The following MARCHF11 variants were observed in gnomAD, a reference collection of about 807,000 sequenced individuals.
MARCHF11 encodes E3 ubiquitin-protein ligase MARCHF11.
Under a neutral mutation model 37.3 loss-of-function variants are expected in MARCHF11, and 29 were observed. The observed-to-expected ratio is 0.78, with a 90% confidence interval of 0.58 to 1.06. MARCHF11 has a LOEUF of 1.06. Among genes scored for constraint, MARCHF11 ranks in the 50% least tolerant of loss-of-function variants. The pLI is 0.00. For missense variants in MARCHF11, 482 were observed against 533.4 expected, an observed-to-expected ratio of 0.90 and a Z score of 0.95; for synonymous variants, 233 against 228.0, an observed-to-expected ratio of 1.02 and a Z score of -0.20.
intron 2 of MARCHF11, among the ~76,000 whole-genome samples, chr5:16,094,970 G>A (rs777113112): frequency 1.3e-5 from 2 of 152,136 alleles, no homozygotes; most frequent in Non-Finnish European, 2.9e-5. Context: ...GTAAACTGAG[G>A]CAGAGAGAAG....
intron 2 of MARCHF11, among the ~76,000 whole-genome samples, chr5:16,168,094 A>T (rs1738200219): frequency 6.6e-6 from 1 of 152,112 alleles, no homozygotes; most frequent in Non-Finnish European, 1.5e-5. Flanking sequence ...TTCTCCCCAC[A>T]GGCAATTCAA....
At chr5:16,087,406 C>T (rs1043466851) in intron 3 of MARCHF11, among the ~76,000 whole-genome samples, 5 of 152,146 alleles carry the variant, frequency 3.3e-5, no homozygotes, top group African/African-American at 4.8e-5. Context: ...GAAATGCAAC[C>T]CATTTATAGA....
At chr5:16,174,000 T>C (rs1294090220) in intron 2 of MARCHF11, among the ~76,000 whole-genome samples, 1 of 152,244 alleles carries the variant, frequency 6.6e-6, no homozygotes, top group Non-Finnish European at 1.5e-5. Context: ...CAGTACAGTC[T>C]GTCTTTTATA....
chr5:16,077,032 G>A (rs989902697), intron 3 of MARCHF11, among the ~76,000 whole-genome samples: 6 of 152,196 alleles, frequency 3.9e-5, no homozygotes, highest in African/African-American at 1.4e-4. Flanking sequence ...GTTTGGATAG[G>A]ATATAGGAGG....
At chr5:16,174,656 G>C (rs1738325726) in intron 2 of MARCHF11, among the ~76,000 whole-genome samples, 1 of 152,208 alleles carries the variant, frequency 6.6e-6, no homozygotes, top group South Asian at 2.1e-4. Flanking sequence ...TATACATCAA[G>C]CATCACTGGT....
chr5:16,124,088 C>T lies in MARCHF11; in HGVS notation c.694-33007G>A, dbSNP rs962040852. ...GCTAATGTTTGAACTCAGGAGACAA[C>T]GAGAGTGACGTTGCAGGCCTGGGAA... On this transcript the variant is annotated intron_variant, in intron 2 of 3. Transcript: ENST00000332432. Among the ~76,000 whole-genome samples, 16 of 152,126 alleles carry T rather than the reference C, an allele frequency of 1.1e-4. No individual in the cohort carries two copies. The East Asian group carries it at 1.5e-3, about 15-fold the overall frequency.
intron 2 of MARCHF11, among the ~76,000 whole-genome samples, chr5:16,128,597 T>TA (rs1445817390): frequency 1.3e-5 from 2 of 152,216 alleles, no homozygotes; most frequent in Non-Finnish European, 2.9e-5. Flanking sequence ...CATTACCACT[T>TA]ACGTGATTCT....
intron 2 of MARCHF11, among the ~76,000 whole-genome samples, chr5:16,160,717 C>A (rs1229143737): frequency 6.6e-6 from 1 of 151,572 alleles, no homozygotes; most frequent in East Asian, 1.9e-4. Flanking sequence ...AAAATCTCAT[C>A]AAATAGAGAG....
intron 3 of MARCHF11, among the ~76,000 whole-genome samples, chr5:16,082,528 A>T (rs1736629193): frequency 6.6e-6 from 1 of 152,188 alleles, no homozygotes; most frequent in Non-Finnish European, 1.5e-5. Flanking sequence ...CAAGAGGAGA[A>T]GAATGTTCCT....
chr5:16,163,500 A>C (rs1350888715), intron 2 of MARCHF11, among the ~76,000 whole-genome samples: 1 of 152,098 alleles, frequency 6.6e-6, no homozygotes, highest in Non-Finnish European at 1.5e-5. Flanking sequence ...ATAAGGCTGT[A>C]TTCCAGGAAT....
At chr5:16,176,403 A>G (rs1033618105) in intron 2 of MARCHF11, among the ~76,000 whole-genome samples, 7 of 152,192 alleles carry the variant, frequency 4.6e-5, no homozygotes, top group Non-Finnish European at 1.0e-4. Context: ...TCTGTTTTTC[A>G]AGACAACTAT....
intron 2 of MARCHF11, among the ~76,000 whole-genome samples, chr5:16,124,026 T>C (rs1266568498): frequency 6.6e-6 from 1 of 152,134 alleles, no homozygotes; most frequent in Non-Finnish European, 1.5e-5. Flanking sequence ...AGGTTTTGTA[T>C]GTTTACAAAG....
At position 16,139,053 on chromosome 5, in the gene MARCHF11, T is replaced by C. The variant is rs191494101; in HGVS notation, c.693+38673A>G. Among the ~76,000 whole-genome samples the C allele has an allele frequency of 9.2e-5, 14 of 152,294 alleles. No homozygotes were observed. The East Asian group carries it at 2.1e-3, about 23-fold the overall frequency. On this transcript the variant is annotated intron_variant, in intron 2 of 3. Transcript: ENST00000332432. ...ATGAATTAAGACTTTGTGGGGCTGT[T>C]GGGAAGGAATGAATGGTTTTGAAAC... is the stretch of plus-strand genomic sequence containing the variant.
At chr5:16,125,690 A>G (rs1204305710) in intron 2 of MARCHF11, among the ~76,000 whole-genome samples, 1 of 150,368 alleles carries the variant, frequency 6.7e-6, no homozygotes, top group African/African-American at 2.4e-5. Flanking sequence ...CCACTGCTTT[A>G]TTACAATATC....
At chr5:16,068,418 C>T (rs1420487273) in intron 3 of MARCHF11, among the ~76,000 whole-genome samples, 3 of 152,280 alleles carry the variant, frequency 2.0e-5, no homozygotes, top group East Asian at 1.9e-4. Context: ...GCACTTACCC[C>T]GTTTGGCAAA....
chr5:16,102,767 T>C (rs1736979392), intron 2 of MARCHF11, among the ~76,000 whole-genome samples: 1 of 152,188 alleles, frequency 6.6e-6, no homozygotes, highest in South Asian at 2.1e-4. Flanking sequence ...TCACACTGAC[T>C]TTCCACTGAG....
At chr5:16,175,524 T>G (rs1008824964) in intron 2 of MARCHF11, among the ~76,000 whole-genome samples, 1 of 152,172 alleles carries the variant, frequency 6.6e-6, no homozygotes, top group Admixed American at 6.5e-5. Flanking sequence ...AGGTACCTAG[T>G]AGAAGTTACT....
intron 2 of MARCHF11, among the ~76,000 whole-genome samples, chr5:16,158,069 T>C (rs1738006798): frequency 6.6e-6 from 1 of 151,800 alleles, no homozygotes. Flanking sequence ...AACAGGCATA[T>C]AAAAAATGCC....
At chr5:16,175,225 T>C (rs1033807523) in intron 2 of MARCHF11, among the ~76,000 whole-genome samples, 7 of 152,228 alleles carry the variant, frequency 4.6e-5, no homozygotes, top group African/African-American at 1.7e-4. Context: ...CATCAACCCA[T>C]TGACTCTTAA....
Sources: allele counts gnomAD v4.1 joint callset (sites outside exome capture counted in the v4.1 genomes callset), GRCh38; gene constraint gnomAD v4.1.1; transcripts MANE v1.5; gene names NCBI Gene and HGNC (gene_info 2026-07-23, HGNC 2026-07-21).